Variants in TTN observed in about 807,000 individuals in gnomAD.
TTN encodes the protein titin.
In TTN, 1,525 loss-of-function variants were observed where a neutral mutation model predicts 3,223.0. The ratio of observed to expected loss-of-function variants is 0.47; its 90% CI spans 0.45 to 0.49. The LOEUF is 0.49. Ranked by LOEUF, TTN falls within the 20% of genes least tolerant of loss-of-function variation. The pLI is 0.00. For missense variants in TTN, 40,786 were observed against 43,424.0 expected (o/e 0.94, Z 5.40); for synonymous variants, 14,094 against 15,161.0 (o/e 0.93, Z 5.17).
chr2:178,634,599 T>A lies in TTN; in HGVS notation c.42182A>T (p.Lys14061Met). Residue 14061 changes from lysine to methionine, a missense_variant, in exon 230 of 363, where the codon AAG becomes ATG. Physicochemically the swap from Lys to Met is moderately conservative, Grantham distance 95. Transcript: ENST00000589042. The surrounding 1 kb of genome is among the most constrained non-coding windows in gnomAD (Gnocchi z 4.6). Reference sequence around the variant, plus strand: ...TCGCCTTTCTGGAACAGTGACATCCTTCAGGGGCACAGCAAAGTCAAGTTC... The same window carrying A: ...TCGCCTTTCTGGAACAGTGACATCCATCAGGGGCACAGCAAAGTCAAGTTC... Reference protein sequence around the residue: ...EIELDFAVPLKDVTVPERRQA... With the variant: ...EIELDFAVPLMDVTVPERRQA... 6.2e-7 allele frequency: 1 copy of A among 1,613,340 alleles called. No homozygotes were observed. The highest frequency in any genetic ancestry group is 8.5e-7 in the Non-Finnish European group (1 of 1,179,516).
rs1435841907 is a variant in TTN at position 178,536,268 on chromosome 2, A to C, written c.100479T>G (p.Ile33493Met). ...GTTCCTCTTTAAAGTGTGGTGCCTGAATTGGGACATCAGATTTGGGAGTGA... is the reference window on the plus strand; with the variant it reads ...GTTCCTCTTTAAAGTGTGGTGCCTGCATTGGGACATCAGATTTGGGAGTGA... The part of the protein sequence containing the change: ...EPITPKSDVP[I>M]QAPHFKEELR... The change falls in exon 357 of 363, where the codon ATT becomes ATG. Residue 33493 changes from isoleucine (I) to methionine (M), a missense_variant. By Grantham distance (10) the Ile-to-Met change is conservative (BLOSUM62 1). Transcript: ENST00000589042. 6.2e-7 allele frequency: 1 copy of C among 1,613,524 alleles called. No individual in the cohort carries two copies. The highest frequency in any genetic ancestry group is 1.7e-5 in the Admixed American group (1 of 59,950).
chr2:178,537,806 C>G lies in TTN; in HGVS notation c.99401G>C (p.Trp33134Ser). 1 of 1,613,686 alleles carries G rather than the reference C, an allele frequency of 6.2e-7. No individual in the cohort carries two copies. The highest frequency in any genetic ancestry group is 8.5e-7 in the Non-Finnish European group (1 of 1,179,746). The change falls in exon 355 of 363, where the codon TGG (tryptophan) becomes TCG (serine). Residue 33134 changes from tryptophan (W) to serine (S), a missense_variant. Physicochemically the swap from Trp to Ser is radical, Grantham distance 177. Transcript: ENST00000589042. The part of the protein sequence containing the change: ...IVGRPLPDIK[W>S]YRFGKELIQS... ...TATGAGCTCTTTACCAAATCTGTAC[C>G]ATTTAATGTCAGGAAGAGGCCTTCC...
chr2:178,770,474 T>C lies in TTN; in HGVS notation c.8318A>G (p.Asp2773Gly). ...AAGCCTGAAGCCATAAACAGACTCA[T>C]CCACGATGGCACAGTTTTTAATCCT... ...SLRIKNCAIV[D>G]ESVYGFRLGR... Residue 2773 changes from aspartate to glycine, a missense_variant, in exon 35 of 363, where the codon GAT becomes GGT. Asp to Gly is a moderately conservative substitution (Grantham distance 94). Coordinates refer to ENST00000589042, the MANE Select transcript of TTN (RefSeq NM_001267550.2). 1 of 1,614,166 alleles carries C rather than the reference T, an allele frequency of 6.2e-7. No individual in the cohort carries two copies. Among genetic ancestry groups the C allele is most frequent in the Non-Finnish European group, 8.5e-7 (1 of 1,180,018 alleles).
chr2:178,621,074 A>G, intron 246 of TTN, 28 bp downstream of exon 246: 2 of 1,607,692 alleles, frequency 1.2e-6, no homozygotes, highest in Middle Eastern at 1.7e-4. Context: ...AAACAAACAA[A>G]AAACCCTAAA....
intron 281 of TTN, 102 bp downstream of exon 281, chr2:178,604,606 G>T: frequency 8.0e-7 from 1 of 1,252,754 alleles, no homozygotes; most frequent in Non-Finnish European, 1.1e-6. Flanking sequence ...TATCGTGTGT[G>T]GTTTTGAGTT....
Position 178,771,381 on chromosome 2 carries a change from T to C in TTN, c.7946A>G (p.Lys2649Arg), listed in dbSNP as rs745433704. 4.3e-6 allele frequency: 7 copies of C among 1,614,036 alleles called. No homozygotes were observed. Among genetic ancestry groups the C allele is most frequent in the East Asian group, 4.5e-5 (2 of 44,852 alleles). ...FECEVANPDS[K>R]GEWLRDGKHL... is the part of the protein sequence containing the mutation. ...TTTGCCATCCCTCAACCATTCGCCT[T>C]TGGAATCTGGGTTGGCAACTTCACA... Residue 2649 changes from lysine (K) to arginine (R), a missense_variant, in exon 34 of 363, where the codon AAA becomes AGA. Physicochemically the swap from Lys to Arg is conservative, Grantham distance 26 (BLOSUM62 2). Coordinates refer to ENST00000589042, the MANE Select transcript of TTN (RefSeq NM_001267550.2).
chr2:178,694,970 A>ATC (rs1002140696), intron 115 of TTN, 64 bp from the exon 116 acceptor site: 23 of 1,143,762 alleles, frequency 2.0e-5, no homozygotes, highest in East Asian at 5.2e-5. Context: ...CTCTCTCTCT[A>ATC]TCTCTCTCTC....
rs763092484 is a variant in TTN at position 178,738,147 on chromosome 2, T to A, written c.14306A>T (p.Glu4769Val). 3.7e-6 allele frequency: 6 copies of A among 1,613,702 alleles called. No homozygotes were observed. The African/African-American group carries it at 8.0e-5, about 22-fold the overall frequency. Residue 4769 changes from glutamate to valine, a missense_variant, in exon 49 of 363, where the codon GAG (glutamate) becomes GTG (valine). Physicochemically the swap from Glu to Val is moderately radical, Grantham distance 121. Transcript: ENST00000589042. The part of the protein sequence containing the change: ...ILRTQVVDCG[E>V]YTCKASNEYG... ...CTCATTGGAAGCTTTGCATGTATAC[T>A]CGCCGCAGTCAACCACCTGGGTTCT...
rs779640778 is a variant in TTN at position 178,661,854 on chromosome 2, T to A, written c.37202-12A>T. 1 of 1,590,636 alleles carries A rather than the reference T, an allele frequency of 6.3e-7. No homozygotes were observed. Among genetic ancestry groups the A allele is most frequent in the Admixed American group, 1.7e-5 (1 of 57,144 alleles). On this transcript the variant is annotated splice_polypyrimidine_tract_variant and intron_variant, in intron 179 of 362. Transcript: ENST00000589042. ...GGGAGCCTCTGGCACTTAAAAGATATTAGTAAAGTTACATGTGGAGCTATG... is the reference window on the plus strand; with the variant it reads ...GGGAGCCTCTGGCACTTAAAAGATAATAGTAAAGTTACATGTGGAGCTATG...
At chr2:178,670,156 C>A (rs2154263741) in intron 157 of TTN, 62 bp downstream of exon 157, 2 of 1,147,594 alleles carry the variant, frequency 1.7e-6, no homozygotes, top group South Asian at 2.3e-5. Flanking sequence ...AAAGGTCTCT[C>A]TTACATAGTA....
chr2:178,607,588 A>C lies in TTN; in HGVS notation c.53100T>G (p.Pro17700=), dbSNP rs373140387. ...CTTTGGTCCATACTTTTGTAGGTAC[A>C]GGGCGACCAGTCACCACAGCTGGAA... ...LRIPAVVTGR[P]VPTKVWTKEE... is the part of the protein sequence containing the mutation. Residue 17700 remains proline (P), a synonymous_variant, in exon 277 of 363, where the codon CCT becomes CCG. Transcript: ENST00000589042. The C allele has an allele frequency of 6.3e-5, 101 of 1,613,096 alleles. No individual in the cohort carries two copies. The highest frequency in any genetic ancestry group is 8.2e-5 in the Non-Finnish European group (97 of 1,179,400).
rs541694379 is a variant in TTN at position 178,717,370 on chromosome 2, G to A, written c.25364C>T (p.Pro8455Leu). The A allele has an allele frequency of 5.0e-6, 8 of 1,607,490 alleles. No individual in the cohort carries two copies. In the African/African-American group the frequency reaches 1.1e-4, roughly 22 times the overall value. Residue 8455 changes from proline (P) to leucine (L), a missense_variant, in exon 88 of 363, where the codon CCT becomes CTT. Transcript: ENST00000589042. ...AKLILSEHEV[P>L]PFFDLKPVSV... is the part of the protein sequence containing the mutation. ...TACAGGCTTTAGATCAAAGAAAGGAGGCACTTCATGCTCTGAAAAGAATGA... is the reference window on the plus strand; with the variant it reads ...TACAGGCTTTAGATCAAAGAAAGGAAGCACTTCATGCTCTGAAAAGAATGA...
chr2:178,605,819 A>C, intron 278 of TTN, 106 bp from the exon 279 acceptor site: 3 of 999,170 alleles, frequency 3.0e-6, no homozygotes, highest in Non-Finnish European at 4.0e-6. Flanking sequence ...TCTGTTTGGC[A>C]TAACCTTACA....
chr2:178,539,663 C>G lies in TTN; in HGVS notation c.98402G>C (p.Gly32801Ala). 1 of 1,613,654 alleles carries G rather than the reference C, an allele frequency of 6.2e-7. No individual in the cohort carries two copies. The highest frequency in any genetic ancestry group is 8.5e-7 in the Non-Finnish European group (1 of 1,179,782). ...RVIGSPNSPE[G>A]PLEYDDIQVR... The stretch of plus-strand genomic sequence containing the variant: ...TTGGATGTCATCATATTCCAGTGGC[C>G]CTTCTGGACTGTTGGGACTTCCTAT... The change falls in exon 352 of 363, where the codon GGG becomes GCG. Residue 32801 changes from glycine to alanine, a missense_variant. Transcript: ENST00000589042.
At chr2:178,608,529 C>A in intron 274 of TTN, 52 bp from the exon 275 acceptor site, 1 of 1,558,158 alleles carries the variant, frequency 6.4e-7, no homozygotes, top group South Asian at 1.2e-5. Flanking sequence ...CATAAAAATG[C>A]AATTTTAAAA....
rs370338217 is a variant in TTN, at chr2:178,618,586, A to G, written c.46964T>C (p.Ile15655Thr). The G allele has an allele frequency of 1.1e-5, 17 of 1,611,424 alleles. No homozygotes were observed. The African/African-American group carries it at 1.5e-4, about 14-fold the overall frequency. The change falls in exon 251 of 363, where the codon ATT becomes ACT. Residue 15655 changes from isoleucine (I) to threonine (T), a missense_variant and splice_region_variant. Physicochemically the swap from Ile to Thr is moderately conservative, Grantham distance 89. Coordinates refer to ENST00000589042, the MANE Select transcript of TTN (RefSeq NM_001267550.2). ...KAEGFINLKV[I>T]DVPGPVRNLE... ...GTCTGAGAGACCCAAGGGCTTACCA[A>G]TAACTTTTAAATTGATGAATCCTTC...
Position 178,739,709 on chromosome 2 carries a change from A to C in TTN, c.13524T>G (p.Asp4508Glu). Residue 4508 changes from aspartate to glutamate, a missense_variant, in exon 48 of 363, where the codon GAT becomes GAG. Transcript: ENST00000589042. ...CAACCTTCTGTGAACCTGAAAAAGA[A>C]TCCATTTCTTCTTGCAAACTTGTTT... ...GAKTSLQEEM[D>E]SFSGSQKVEP... 1 of 1,613,926 alleles carries C rather than the reference A, an allele frequency of 6.2e-7. No homozygotes were observed. The highest frequency in any genetic ancestry group is 8.5e-7 in the Non-Finnish European group (1 of 1,179,824).
rs1283289214 is a variant in TTN at position 178,571,995 on chromosome 2, C to G, written c.74137G>C (p.Val24713Leu). The change falls in exon 326 of 363, where the codon GTC (valine) becomes CTC (leucine). Residue 24713 changes from valine to leucine, a missense_variant. Physicochemically the swap from Val to Leu is conservative, Grantham distance 32. Coordinates refer to ENST00000589042, the MANE Select transcript of TTN (RefSeq NM_001267550.2). Reference protein sequence around the residue: ...LSVPVIAKDLVIPPAFKLLFN... With the variant: ...LSVPVIAKDLLIPPAFKLLFN... ...AGGAGTTTGAAGGCTGGTGGAATGA[C>G]AAGATCTTTGGCGATCACTGGCACA... 2.5e-6 allele frequency: 4 copies of G among 1,613,136 alleles called. No individual in the cohort carries two copies. Among genetic ancestry groups the G allele is most frequent in the Non-Finnish European group, 3.4e-6 (4 of 1,179,580 alleles).
chr2:178,793,304 C>T, intron 9 of TTN, 100 bp downstream of exon 9: 1 of 1,504,546 alleles, frequency 6.6e-7, no homozygotes. Flanking sequence ...ATGCTAACAA[C>T]CATGTGGCCC....
Sources: gnomAD v4.1 joint callset for allele counts on GRCh38, gnomAD v4.1.1 for gene constraint, Gnocchi (gnomAD v3.1) non-coding constraint, MANE v1.5 for transcripts, NCBI Gene and HGNC (gene_info 2026-07-23, HGNC 2026-07-21) for gene names.